CAPN14: variants seen among roughly 807,000 people sequenced by gnomAD.
CAPN14 encodes the protein calpain-14.
Under a neutral mutation model 101.3 loss-of-function variants are expected in CAPN14, and 94 were observed. The ratio of observed to expected loss-of-function variants is 0.93; its 90% CI spans 0.79 to 1.10. The LOEUF (loss-of-function observed/expected upper bound fraction) is 1.10. Ranked by LOEUF, CAPN14 falls within the 50% of genes least tolerant of loss-of-function variation. CAPN14 has a pLI of 0.00. For missense variants in CAPN14, 837 were observed against 828.4 expected (o/e 1.01, Z -0.13); for synonymous variants, 338 against 317.9 (o/e 1.06, Z -0.67).
chr2:31,206,612 G>C (rs1217542002), intron 1 of CAPN14, among the ~76,000 whole-genome samples: 1 of 151,950 alleles, frequency 6.6e-6, no homozygotes, highest in Non-Finnish European at 1.5e-5. Context: ...TGTAAAAGGG[G>C]GACAAAAAAA....
upstream of CAPN14, among the ~76,000 whole-genome samples, chr2:31,218,273 C>T (rs370238017): frequency 2.9e-4 from 43 of 149,404 alleles, no homozygotes; most frequent in African/African-American, 9.4e-4. Flanking sequence ...CCCACCACCA[C>T]TTGCACAGAT....
At chr2:31,200,702 C>G in intron 5 of CAPN14, 77 bp from the exon 6 acceptor site, 1 of 1,352,328 alleles carries the variant, frequency 7.4e-7, no homozygotes, top group Non-Finnish European at 9.9e-7. Flanking sequence ...TCGGCATCCA[C>G]TTTTAAATAG....
chr2:31,231,614 T>C (rs1165636443), intron 1 of CAPN14, among the ~76,000 whole-genome samples: 1 of 152,224 alleles, frequency 6.6e-6, no homozygotes, highest in Non-Finnish European at 1.5e-5. Flanking sequence ...GGAGTAGATG[T>C]GTCAACACGC....
At chr2:31,202,983 C>G in intron 3 of CAPN14, 87 bp downstream of exon 3, 1 of 1,164,874 alleles carries the variant, frequency 8.6e-7, no homozygotes, top group Non-Finnish European at 1.2e-6. Flanking sequence ...GGATCTCTGG[C>G]TTCTCTTCTT....
In CAPN14 at chr2:31,189,240, C is replaced by T. The variant is rs540097272; in HGVS notation, c.1493+33G>A. On this transcript the variant is annotated intron_variant, in intron 13 of 21. Transcript: ENST00000403897. ...CCTTGCCTGTCCTCGTCCAAGTGGT[C>T]CCCACCCTCTAGGAGAGACCTTGTG... 114 of 1,542,328 alleles carry T rather than the reference C, an allele frequency of 7.4e-5. No homozygotes were observed. In the African/African-American group the frequency reaches 1.3e-3, roughly 18 times the overall value.
chr2:31,193,816 G>A (rs971803539), intron 9 of CAPN14, among the ~76,000 whole-genome samples: 1 of 152,182 alleles, frequency 6.6e-6, no homozygotes, highest in Admixed American at 6.5e-5. Flanking sequence ...CCTTCCAAAG[G>A]GAGAGGGCGG....
At chr2:31,217,882 C>T (rs1682720862), upstream of CAPN14, among the ~76,000 whole-genome samples, 1 of 152,160 alleles carries the variant, frequency 6.6e-6, no homozygotes, top group Non-Finnish European at 1.5e-5. Flanking sequence ...GACAGAGATT[C>T]CTGTACATCC....
At chr2:31,188,444 C>T (rs1465974) in intron 13 of CAPN14, 90 bp from the exon 14 acceptor site, 229,768 of 1,180,680 alleles carry the variant, frequency 0.19, 27,661 homozygotes, top group African/African-American at 0.52. Context: ...TCGTCTTCCA[C>T]GTTCCTTCAC....
rs147193488 is a variant in CAPN14, at chr2:31,177,766, T to C, written c.1835A>G (p.His612Arg). Reference sequence around the variant, plus strand: ...CCTACCTGCCTCCCTCATGGCAGCGTGCAGCTGCTCCCAGTTCAGGTATCC... The same window carrying C: ...CCTACCTGCCTCCCTCATGGCAGCGCGCAGCTGCTCCCAGTTCAGGTATCC... ...GSGYLNWEQLHAAMREAGIML... is the reference protein window; with the variant it reads ...GSGYLNWEQLRAAMREAGIML... Residue 612 changes from histidine to arginine, a missense_variant, in exon 19 of 22, where the codon CAC becomes CGC. Coordinates refer to ENST00000403897, the MANE Select transcript of CAPN14 (RefSeq NM_001145122.2). 8.7e-5 allele frequency: 135 copies of C among 1,551,956 alleles called. No individual in the cohort carries two copies. The African/African-American group carries it at 1.6e-3, about 18-fold the overall frequency.
In CAPN14 at chr2:31,197,348, G is replaced by C; in HGVS notation, c.790-14C>G. 4 of 1,538,106 alleles carry C rather than the reference G, an allele frequency of 2.6e-6. No individual in the cohort carries two copies. The highest frequency in any genetic ancestry group is 3.5e-6 in the Non-Finnish European group (4 of 1,134,662). On this transcript the variant is annotated splice_polypyrimidine_tract_variant and intron_variant, in intron 7 of 21. Coordinates refer to ENST00000403897, the MANE Select transcript of CAPN14 (RefSeq NM_001145122.2). ...TTTGCAGGTCACCTGCATAAAATGA[G>C]AGGCAGTTTAGGTGACTGGGCTGAG...
chr2:31,199,427 G>C (rs1423313691), intron 7 of CAPN14, 43 bp downstream of exon 7: 1 of 1,499,460 alleles, frequency 6.7e-7, no homozygotes, highest in Non-Finnish European at 9.1e-7. Context: ...AGAGAGGGAA[G>C]GGCAAGGCTG....
intron 1 of CAPN14, among the ~76,000 whole-genome samples, chr2:31,211,263 AG>A (rs372345049): frequency 1.5e-4 from 23 of 152,130 alleles, no homozygotes; most frequent in African/African-American, 5.3e-4. Context: ...GGAGGGAGGA[AG>A]GAAGGGTCAC....
chr2:31,220,236 A>G (rs1417157432), upstream of CAPN14, among the ~76,000 whole-genome samples: 1 of 152,258 alleles, frequency 6.6e-6, no homozygotes, highest in Non-Finnish European at 1.5e-5. Context: ...GTACTGAGAT[A>G]GTAAATAATG....
At chr2:31,210,720 T>G (rs1017639040) in intron 1 of CAPN14, among the ~76,000 whole-genome samples, 5 of 152,120 alleles carry the variant, frequency 3.3e-5, no homozygotes, top group African/African-American at 1.2e-4. Context: ...GAAAATTTTC[T>G]ATGCTTAATT....
Position 31,203,076 on chromosome 2 carries a change from T to A in CAPN14, c.289A>T (p.Ile97Leu). 2 of 1,551,360 alleles carry A rather than the reference T, an allele frequency of 1.3e-6. No homozygotes were observed. The highest frequency in any genetic ancestry group is 1.7e-6 in the Non-Finnish European group (2 of 1,146,846). Residue 97 changes from isoleucine (I) to leucine (L), a missense_variant, in exon 3 of 22, where the codon ATA (isoleucine) becomes TTA (leucine). Coordinates refer to ENST00000403897, the MANE Select transcript of CAPN14 (RefSeq NM_001145122.2). ...KAKRLDLCQG[I>L]VGDCWFLAAL... ...CGGGGCTGTGCAAACTTACCTACTA[T>A]CCCCTGGCACAGATCCAGCCTTTTG...
chr2:31,224,216 C>T (rs1682951936), intron 2 of CAPN14, among the ~76,000 whole-genome samples: 1 of 152,122 alleles, frequency 6.6e-6, no homozygotes, highest in Non-Finnish European at 1.5e-5. Context: ...TCTCAGCTTC[C>T]ATTGATGGCA....
upstream of CAPN14, among the ~76,000 whole-genome samples, chr2:31,218,647 T>A (rs1682758460): frequency 6.6e-6 from 1 of 152,188 alleles, no homozygotes; most frequent in South Asian, 2.1e-4. Flanking sequence ...CACAACTTTG[T>A]GAGGTAGTGC....
intron 1 of CAPN14, among the ~76,000 whole-genome samples, chr2:31,214,468 C>G (rs1275916343): frequency 6.6e-6 from 1 of 152,122 alleles, no homozygotes; most frequent in Non-Finnish European, 1.5e-5. Flanking sequence ...GTCAAAGCAA[C>G]CTGGGGAAGT....
chr2:31,205,630 G>A (rs905039025), intron 1 of CAPN14, 131 bp from the exon 2 acceptor site: 1 of 628,494 alleles, frequency 1.6e-6, no homozygotes, highest in Non-Finnish European at 2.9e-6. Flanking sequence ...AGAAGCAGGT[G>A]GTTCGATTTT....
Sources: allele counts gnomAD v4.1 joint callset (sites outside exome capture counted in the v4.1 genomes callset), GRCh38; gene constraint gnomAD v4.1.1; transcripts MANE v1.5; gene names NCBI Gene and HGNC (gene_info 2026-07-23, HGNC 2026-07-21).